The following OPHN1 variants were observed in gnomAD, a reference collection of about 807,000 sequenced individuals.
OPHN1 encodes the protein oligophrenin 1.
A neutral mutation model predicts 60.7 loss-of-function variants in OPHN1; 11 were observed. That is an observed-to-expected ratio of 0.18 (90% confidence interval 0.11 to 0.30). The LOEUF is 0.30. Among genes scored for constraint, OPHN1 ranks in the 10% least tolerant of loss-of-function variants. The pLI, the probability that OPHN1 is intolerant of heterozygous loss-of-function variation, is 1.00. For synonymous variants in OPHN1, 226 were observed against 222.6 expected, an observed-to-expected ratio of 1.02 and a Z score of -0.14; for missense variants, 449 against 611.0, an observed-to-expected ratio of 0.73 and a Z score of 2.80.
intron 6 of OPHN1, among the ~76,000 whole-genome samples, chrX:68,219,667 C>A (rs1358054702): frequency 3.6e-5 from 4 of 111,256 alleles, no homozygotes; most frequent in Non-Finnish European, 5.7e-5. Flanking sequence ...GAACAACTTG[C>A]TCCTGAATGA....
At position 68,383,755 on chromosome X, in the gene OPHN1, T is replaced by C. The variant is rs753594813; in HGVS notation, c.154+49112A>G. Among the ~76,000 whole-genome samples, 3 of 110,772 alleles carry C rather than the reference T, an allele frequency of 2.7e-5. No individual in the cohort carries two copies. In the East Asian group the frequency reaches 8.6e-4, roughly 32 times the overall value. Reference sequence around the variant, plus strand: ...ATCCCCAGAGAGCTCCAACTTGTTCTTTCAATTCTTTCTCTCATCCATGAG... The same window carrying C: ...ATCCCCAGAGAGCTCCAACTTGTTCCTTCAATTCTTTCTCTCATCCATGAG... On this transcript the variant is annotated intron_variant, in intron 2 of 24. Transcript: ENST00000355520.
At chrX:68,425,079 C>A (rs1031770140) in intron 2 of OPHN1, among the ~76,000 whole-genome samples, 7 of 111,839 alleles carry the variant, frequency 6.3e-5, no homozygotes, top group Non-Finnish European at 1.1e-4. Flanking sequence ...AGCAAGAATG[C>A]ATATTATATC....
chrX:68,259,477 C>A (rs190675810), intron 5 of OPHN1, among the ~76,000 whole-genome samples: 5 of 110,798 alleles, frequency 4.5e-5, no homozygotes, highest in African/African-American at 1.6e-4. Context: ...TTTAAGAAAT[C>A]ATGAGAAAAA....
At chrX:68,401,226 T>G (rs1414227206) in intron 2 of OPHN1, among the ~76,000 whole-genome samples, 1 of 111,921 alleles carries the variant, frequency 8.9e-6, no homozygotes, top group East Asian at 2.8e-4. Flanking sequence ...AAGGGAGATA[T>G]TCACAATACA....
chrX:68,333,506 A>G (rs1327128840), intron 2 of OPHN1, among the ~76,000 whole-genome samples: 4 of 110,441 alleles, frequency 3.6e-5, no homozygotes, highest in Admixed American at 2.0e-4. Context: ...ATGGTGGCAC[A>G]TGCCTGTAAT....
chrX:68,410,226 A>G (rs1174540926), intron 2 of OPHN1, among the ~76,000 whole-genome samples: 2 of 111,859 alleles, frequency 1.8e-5, no homozygotes, highest in East Asian at 5.6e-4. Context: ...CAGACTGAGT[A>G]ATTTATAAAG....
chrX:68,355,781 A>G (rs1438458750), intron 2 of OPHN1, among the ~76,000 whole-genome samples: 1 of 112,200 alleles, frequency 8.9e-6, no homozygotes, highest in Non-Finnish European at 1.9e-5. Context: ...TCACACCTGT[A>G]ATCCCAGCGC....
intron 15 of OPHN1, among the ~76,000 whole-genome samples, chrX:68,167,744 A>C (rs901304663): frequency 1.8e-5 from 2 of 109,293 alleles, no homozygotes; most frequent in African/African-American, 6.7e-5. Flanking sequence ...TATACACCCA[A>C]AAGAAAGGAA....
intron 6 of OPHN1, among the ~76,000 whole-genome samples, chrX:68,217,398 C>T (rs1385754246): frequency 8.9e-6 from 1 of 112,051 alleles, no homozygotes; most frequent in Non-Finnish European, 1.9e-5. Flanking sequence ...ACAAAGCAGC[C>T]AGGAAGCTCG....
intron 5 of OPHN1, among the ~76,000 whole-genome samples, chrX:68,274,375 C>T (rs2091793367): frequency 1.8e-5 from 2 of 111,781 alleles, no homozygotes; most frequent in African/African-American, 6.5e-5. Flanking sequence ...AGCTAGTTTT[C>T]CAGACAAAAC....
intron 2 of OPHN1, among the ~76,000 whole-genome samples, chrX:68,345,134 A>T (rs765916723): frequency 8.9e-6 from 1 of 112,561 alleles, no homozygotes; most frequent in Non-Finnish European, 1.9e-5. Flanking sequence ...TTTCAAATAA[A>T]GAAAGAAGCA....
At chrX:68,346,575 G>T (rs2078380148) in intron 2 of OPHN1, among the ~76,000 whole-genome samples, 1 of 111,902 alleles carries the variant, frequency 8.9e-6, no homozygotes, top group South Asian at 3.7e-4. Flanking sequence ...GCAGAAAGCT[G>T]AAAAAATGAC....
intron 2 of OPHN1, among the ~76,000 whole-genome samples, chrX:68,416,325 T>C (rs1184197014): frequency 9.1e-6 from 1 of 109,983 alleles, no homozygotes; most frequent in Non-Finnish European, 1.9e-5. Flanking sequence ...ATTATATATA[T>C]ACCAGTTCAA....
intron 19 of OPHN1, among the ~76,000 whole-genome samples, chrX:68,078,630 T>C (rs193244846): frequency 6.4e-4 from 71 of 110,926 alleles, no homozygotes; most frequent in African/African-American, 2.2e-3. Context: ...TACCAGACCA[T>C]AGACACCCTC....
chrX:68,191,695 A>G (rs1409748782), intron 15 of OPHN1, among the ~76,000 whole-genome samples: 1 of 112,187 alleles, frequency 8.9e-6, no homozygotes, highest in African/African-American at 3.2e-5. Flanking sequence ...AGATTGCAGC[A>G]GATGGAGTGG....
intron 15 of OPHN1, among the ~76,000 whole-genome samples, chrX:68,176,481 C>T (rs1602213431): frequency 9.0e-6 from 1 of 111,668 alleles, no homozygotes; most frequent in Non-Finnish European, 1.9e-5. Context: ...TGAGATACCA[C>T]CTCACACCCA....
At chrX:68,186,671 A>C (rs1308254513) in intron 15 of OPHN1, among the ~76,000 whole-genome samples, 1 of 111,420 alleles carries the variant, frequency 9.0e-6, no homozygotes, top group African/African-American at 3.3e-5. Flanking sequence ...GTGGCTTATA[A>C]ACAACAGAAA....
chrX:68,166,456 C>A (rs1271073630), intron 15 of OPHN1, among the ~76,000 whole-genome samples: 1 of 111,489 alleles, frequency 9.0e-6, no homozygotes, highest in Non-Finnish European at 1.9e-5. Context: ...ATCGCTTGAA[C>A]CTGGGAGGCA....
intron 15 of OPHN1, among the ~76,000 whole-genome samples, chrX:68,163,751 A>C (rs769043143): frequency 5.9e-4 from 66 of 111,259 alleles, no homozygotes; most frequent in African/African-American, 2.1e-3. Context: ...AACACTTGTT[A>C]TCTTTTGTCT....
Sources: allele counts gnomAD v4.1 joint callset (sites outside exome capture counted in the v4.1 genomes callset), GRCh38; gene constraint gnomAD v4.1.1; transcripts MANE v1.5; gene names NCBI Gene and HGNC (gene_info 2026-07-23, HGNC 2026-07-21).